Variants in NPHP4 observed in about 807,000 individuals in gnomAD.
NPHP4 encodes nephrocystin 4, also known as nephrocystin-4.
NPHP4 carries 151 observed loss-of-function variants against 155.8 expected under a neutral mutation model. The ratio of observed to expected loss-of-function variants is 0.97; its 90% CI spans 0.85 to 1.11. The LOEUF is 1.11. Ranked by LOEUF, NPHP4 falls within the 50% of genes least tolerant of loss-of-function variation. The pLI, the probability that NPHP4 is intolerant of heterozygous loss-of-function variation, is 0.00. For synonymous variants in NPHP4, 845 were observed against 816.8 expected (o/e 1.03, Z -0.59); for missense variants, 1,956 against 1,925.7 (o/e 1.02, Z -0.29).
chr1:5,961,995 G>A lies in NPHP4; in HGVS notation c.518-46C>T, dbSNP rs137969483. The A allele has an allele frequency of 4.0e-4, 595 of 1,502,564 alleles. 5 individuals carry two copies. The African/African-American group carries it at 6.8e-3, about 17-fold the overall frequency. 93.1% of individuals were successfully genotyped at this position (1,502,564 alleles called of 1,614,324 possible). On this transcript the variant is annotated intron_variant, in intron 5 of 29. Transcript: ENST00000378156. ...TGATCAACTGATAGCTGAAAGCAAA[G>A]GTGCTTCCAGTCAAACCAGCCAATT...
intron 5 of NPHP4, among the ~76,000 whole-genome samples, chr1:5,965,843 A>G (rs1651399700): frequency 6.6e-6 from 1 of 151,790 alleles, no homozygotes; most frequent in Non-Finnish European, 1.5e-5. Flanking sequence ...CCCCTGCTTC[A>G]CCTTTTGACA....
In NPHP4 at chr1:5,874,487, T is replaced by C; in HGVS notation, c.3215A>G (p.Gln1072Arg). The change falls in exon 22 of 30, where the codon CAG becomes CGG. Residue 1072 changes from glutamine (Q) to arginine (R), a missense_variant. Coordinates refer to ENST00000378156, the MANE Select transcript of NPHP4 (RefSeq NM_015102.5). ...CACCCGCACCTGCACCATGGCCAGC[T>C]GCCCTGCAGAGAAGCTCTGGAACTT... ...PFKFQSFSAG[Q>R]LAMVQASPGL... The C allele has an allele frequency of 6.4e-7, 1 of 1,555,408 alleles. No individual in the cohort carries two copies. Among genetic ancestry groups the C allele is most frequent in the Non-Finnish European group, 8.7e-7 (1 of 1,147,652 alleles).
intron 9 of NPHP4, among the ~76,000 whole-genome samples, chr1:5,940,313 G>A (rs1423440840): frequency 2.0e-5 from 3 of 152,008 alleles, no homozygotes; most frequent in Non-Finnish European, 2.9e-5. Flanking sequence ...AGGGAGTGAC[G>A]TAACAAGAAG....
At position 5,967,298 on chromosome 1, in the gene NPHP4, C is replaced by T. The variant is rs1419875412; in HGVS notation, c.517+1G>A. 2 of 1,600,424 alleles carry T rather than the reference C, an allele frequency of 1.2e-6. No individual in the cohort carries two copies. Among genetic ancestry groups the T allele is most frequent in the Non-Finnish European group, 1.7e-6 (2 of 1,173,930 alleles). ...CTGCCAAGGCCAGGTCTGGCTCTTA[C>T]GCTCTGCGGGGTCCTGGAGAAGCGG... On this transcript the variant is annotated splice_donor_variant, in intron 5 of 29. Transcript: ENST00000378156. LOFTEE classifies it high-confidence loss of function.
At chr1:5,953,315 G>A (rs34416034) in intron 6 of NPHP4, among the ~76,000 whole-genome samples, 27,289 of 152,006 alleles carry the variant, frequency 0.18, 2,522 homozygotes, top group African/African-American at 0.22. Flanking sequence ...CATATTGGCC[G>A]GGCTGGTCTC....
intron 6 of NPHP4, among the ~76,000 whole-genome samples, chr1:5,954,247 A>G (rs1648759109): frequency 6.6e-6 from 1 of 152,244 alleles, no homozygotes; most frequent in Non-Finnish European, 1.5e-5. Flanking sequence ...AATGTTCACT[A>G]AACTATTATT....
At chr1:5,938,882 G>A (rs915523847) in intron 9 of NPHP4, among the ~76,000 whole-genome samples, 2 of 152,198 alleles carry the variant, frequency 1.3e-5, no homozygotes, top group African/African-American at 2.4e-5. Context: ...GCCAACAACT[G>A]TTAGAGAACG....
chr1:5,887,171 G>C, intron 18 of NPHP4, 115 bp downstream of exon 18: 1 of 994,432 alleles, frequency 1.0e-6, no homozygotes. Flanking sequence ...GAATTCTCCC[G>C]GTTTCCTCCT....
At chr1:5,935,015 G>T (rs545365622) in intron 9 of NPHP4, among the ~76,000 whole-genome samples, 1 of 152,266 alleles carries the variant, frequency 6.6e-6, no homozygotes, top group East Asian at 1.9e-4. Flanking sequence ...GTGCTCTCAA[G>T]GCCTCTAAAA....
At chr1:5,915,229 T>C (rs1452769372) in intron 11 of NPHP4, among the ~76,000 whole-genome samples, 1 of 152,054 alleles carries the variant, frequency 6.6e-6, no homozygotes, top group East Asian at 1.9e-4. Flanking sequence ...CCTTGGGCCT[T>C]GGGGGTAGAC....
intron 1 of NPHP4, among the ~76,000 whole-genome samples, 164 bp from the exon 2 acceptor site, chr1:5,986,491 A>G (rs1655509877): frequency 6.6e-6 from 1 of 152,208 alleles, no homozygotes; most frequent in African/African-American, 2.4e-5. Flanking sequence ...GCTGGCACCC[A>G]TGCTGCCTCC....
intron 18 of NPHP4, among the ~76,000 whole-genome samples, chr1:5,883,839 C>T (rs1643528078): frequency 6.6e-6 from 1 of 152,178 alleles, no homozygotes; most frequent in African/African-American, 2.4e-5. Flanking sequence ...CTGAGAAGTA[C>T]TAAGAGACCA....
At chr1:5,971,934 A>G (rs995869098) in intron 3 of NPHP4, among the ~76,000 whole-genome samples, 3 of 152,266 alleles carry the variant, frequency 2.0e-5, no homozygotes, top group Admixed American at 6.5e-5. Context: ...GCATAAACAG[A>G]TTAATAAATC....
intron 6 of NPHP4, 80 bp downstream of exon 6, chr1:5,961,714 G>A (rs1432496889): frequency 4.3e-6 from 6 of 1,408,988 alleles, no homozygotes; most frequent in East Asian, 2.5e-5. Flanking sequence ...GCCCCCAGAA[G>A]AGCCCAGTGC....
In NPHP4 at chr1:5,907,130, G is replaced by C. The variant is rs1413744771; in HGVS notation, c.1596C>G (p.Ala532=). The C allele has an allele frequency of 6.4e-7, 1 of 1,551,120 alleles. No homozygotes were observed. Among genetic ancestry groups the C allele is most frequent in the African/African-American group, 1.4e-5 (1 of 73,232 alleles). ...PTSQLPHGSQ[A]SPAQAQEFPL... ...CGGCACTTACTGCCTGGGCCGGGGA[G>C]GCCTGAGAGCCATGGGGTAGCTGTG... The change falls in exon 13 of 30, where the codon GCC becomes GCG. Residue 532 remains alanine, a synonymous_variant. Coordinates refer to ENST00000378156, the MANE Select transcript of NPHP4 (RefSeq NM_015102.5).
intron 11 of NPHP4, among the ~76,000 whole-genome samples, chr1:5,921,634 C>T (rs1323555330): frequency 6.6e-6 from 1 of 152,200 alleles, no homozygotes; most frequent in African/African-American, 2.4e-5. Context: ...TCTATAAATT[C>T]CCTCTTCATA....
Position 5,865,243 on chromosome 1 carries a change from C to T in NPHP4, c.3675G>A (p.Thr1225=), listed in dbSNP as rs1641090338. The part of the protein sequence containing the change: ...SDRWLATPTQ[T]WQVYLHSLQR... Reference sequence around the variant, plus strand: ...GCAGGGAGTGGAGGTAGACCTGCCACGTCTGTGTGGGTGTCGCCAGCCAGC... The same window carrying T: ...GCAGGGAGTGGAGGTAGACCTGCCATGTCTGTGTGGGTGTCGCCAGCCAGC... The change falls in exon 27 of 30, where the codon ACG becomes ACA. Residue 1225 remains threonine (T), a synonymous_variant. Coordinates refer to ENST00000378156, the MANE Select transcript of NPHP4 (RefSeq NM_015102.5). 9.5e-6 allele frequency: 15 copies of T among 1,586,354 alleles called. No homozygotes were observed. The highest frequency in any genetic ancestry group is 5.6e-5 in the South Asian group (5 of 89,140).
At chr1:5,915,140 G>A (rs1464586824) in intron 11 of NPHP4, among the ~76,000 whole-genome samples, 1 of 152,232 alleles carries the variant, frequency 6.6e-6, no homozygotes, top group African/African-American at 2.4e-5. Flanking sequence ...AGGGAGAGGG[G>A]GCAGCACGCA....
At position 5,949,451 on chromosome 1, in the gene NPHP4, C is replaced by A. The variant is rs149616891; in HGVS notation, c.811-1200G>T. On this transcript the variant is annotated intron_variant, in intron 7 of 29. Coordinates refer to ENST00000378156, the MANE Select transcript of NPHP4 (RefSeq NM_015102.5). ...CTAAATAGTACAGCCCTCCTATGTG[C>A]CAAACACCGTTCATGCACATCACGT... Among the ~76,000 whole-genome samples the A allele has an allele frequency of 4.2e-3, 634 of 151,768 alleles. 5 individuals carry two copies. The highest frequency in any genetic ancestry group is 0.015 in the African/African-American group (600 of 41,332).
Sources: allele counts gnomAD v4.1 joint callset (sites outside exome capture counted in the v4.1 genomes callset), GRCh38; gene constraint gnomAD v4.1.1; transcripts MANE v1.5; gene names NCBI Gene and HGNC (gene_info 2026-07-23, HGNC 2026-07-21).